The following RAP1GAP2 variants were observed in gnomAD, a reference collection of about 807,000 sequenced individuals.
RAP1GAP2 encodes RAP1 GTPase activating protein 2.
A neutral mutation model predicts 95.0 loss-of-function variants in RAP1GAP2; 27 were observed. The observed-to-expected ratio is 0.28, with a 90% CI of 0.21 to 0.39. RAP1GAP2 has a LOEUF of 0.39. RAP1GAP2 is among the 10% of genes least tolerant of loss of function. RAP1GAP2 has a pLI of 1.00. For synonymous variants in RAP1GAP2, 373 were observed against 380.9 expected (o/e 0.98, Z 0.24); for missense variants, 771 against 970.0 (o/e 0.79, Z 2.72).
intron 3 of RAP1GAP2, among the ~76,000 whole-genome samples, chr17:2,916,080 G>T (rs761990228): frequency 1.4e-4 from 21 of 152,144 alleles, no homozygotes; most frequent in Non-Finnish European, 2.5e-4. Context: ...TGGGGTCTAG[G>T]TTCATTTATT....
intron 1 of RAP1GAP2, among the ~76,000 whole-genome samples, chr17:2,790,168 A>C (rs2068888068): frequency 6.6e-6 from 1 of 151,360 alleles, no homozygotes; most frequent in South Asian, 2.1e-4. Context: ...GCTGGAGTGC[A>C]GCGGCATGAT....
At chr17:2,764,784 T>A (rs1421889293) in intron 1 of RAP1GAP2, among the ~76,000 whole-genome samples, 1 of 151,794 alleles carries the variant, frequency 6.6e-6, no homozygotes, top group Non-Finnish European at 1.5e-5. Context: ...AAAATAAAAA[T>A]ACAATATAGT....
intron 4 of RAP1GAP2, among the ~76,000 whole-genome samples, chr17:2,961,719 C>T (rs543357870): frequency 6.6e-6 from 1 of 152,204 alleles, no homozygotes; most frequent in African/African-American, 2.4e-5. Flanking sequence ...CAAGAAGCTA[C>T]GCTTTGTCAA....
intron 3 of RAP1GAP2, among the ~76,000 whole-genome samples, chr17:2,949,285 C>G (rs1487512622): frequency 6.6e-6 from 1 of 152,322 alleles, no homozygotes; most frequent in African/African-American, 2.4e-5. Context: ...ATGAGGAGAC[C>G]CAATTACATG....
intron 3 of RAP1GAP2, among the ~76,000 whole-genome samples, chr17:2,956,301 A>G (rs55640204): frequency 0.11 from 16,775 of 152,212 alleles, 988 homozygotes; most frequent in South Asian, 0.19. Flanking sequence ...CAGATCCTGA[A>G]CTGCTGGTAG....
At chr17:2,838,016 CTTTTTTTTTT>C (rs71153304) in intron 2 of RAP1GAP2, among the ~76,000 whole-genome samples, 22 of 94,442 alleles carry the variant, frequency 2.3e-4, no homozygotes, top group African/African-American at 9.7e-4. Flanking sequence ...TTCTTTTTTC[CTTTTTTTTTT>C]TTTTTTTTTT....
chr17:2,815,789 C>T (rs757800618), intron 2 of RAP1GAP2, among the ~76,000 whole-genome samples: 10 of 152,146 alleles, frequency 6.6e-5, no homozygotes, highest in East Asian at 1.9e-4. Context: ...GCCCCATTTC[C>T]GATATTAACA....
intron 1 of RAP1GAP2, among the ~76,000 whole-genome samples, chr17:2,761,844 T>A (rs2071255616): frequency 6.6e-6 from 1 of 152,058 alleles, no homozygotes; most frequent in Non-Finnish European, 1.5e-5. Flanking sequence ...CATCAACACT[T>A]GTTATTATCT....
At position 2,902,362 on chromosome 17, in the gene RAP1GAP2, A is replaced by G. The variant is rs1384059887; in HGVS notation, c.81-2922A>G. Among the ~76,000 whole-genome samples the G allele has an allele frequency of 6.6e-6, 1 of 152,112 alleles. No homozygotes were observed. The highest frequency in any genetic ancestry group is 2.4e-5 in the African/African-American group (1 of 41,424). ...CTCCCAAGTAGCTCGGATGACAGGCACACGCCACCATGCCTGGCTAATTTT... is the reference window on the plus strand; with the variant it reads ...CTCCCAAGTAGCTCGGATGACAGGCGCACGCCACCATGCCTGGCTAATTTT... On this transcript the variant is annotated intron_variant, in intron 2 of 24. Coordinates refer to ENST00000254695, the MANE Select transcript of RAP1GAP2 (RefSeq NM_015085.5). The surrounding 1 kb of genome is among the most constrained non-coding windows in gnomAD (Gnocchi z 4.1).
chr17:2,770,810 G>T (rs527916227), intron 2 of RAP1GAP2, among the ~76,000 whole-genome samples: 3 of 152,196 alleles, frequency 2.0e-5, no homozygotes, highest in African/African-American at 7.2e-5. Context: ...GGAGGCTGAG[G>T]TGGGTGGATC....
chr17:2,771,049 A>AAAAC (rs146760366), intron 2 of RAP1GAP2, among the ~76,000 whole-genome samples: 10,947 of 152,038 alleles, frequency 0.072, 519 homozygotes, highest in East Asian at 0.22. Context: ...TCTGTTTCAA[A>AAAAC]AAACAAACAA....
chr17:2,902,254 T>TCACC lies in RAP1GAP2; in HGVS notation c.81-3028_81-3025dup. Among the ~76,000 whole-genome samples the TCACC allele has an allele frequency of 6.6e-6, 1 of 152,064 alleles. No homozygotes were observed. Among genetic ancestry groups the TCACC allele is most frequent in the South Asian group, 2.1e-4 (1 of 4,816 alleles). Reference sequence around the variant, plus strand: ...TTTTTTGAGATGGAGTCTTGCTCTGTCACCCGAGCTGGAGTGCAGTGGCAC... The same window carrying TCACC: ...TTTTTTGAGATGGAGTCTTGCTCTGTCACCCACCCGAGCTGGAGTGCAGTGGCAC... On this transcript the variant is annotated intron_variant, in intron 2 of 24. Coordinates refer to ENST00000254695, the MANE Select transcript of RAP1GAP2 (RefSeq NM_015085.5). This position sits in a 1 kb window ranked among gnomAD's most constrained non-coding sequence, Gnocchi z 4.1.
At chr17:2,822,617 G>GTTTT (rs1212676493) in intron 2 of RAP1GAP2, among the ~76,000 whole-genome samples, 8 of 117,782 alleles carry the variant, frequency 6.8e-5, no homozygotes, top group Non-Finnish European at 1.2e-4. Flanking sequence ...ATAAAACCCT[G>GTTTT]TTTTTTTTTG....
intron 2 of RAP1GAP2, among the ~76,000 whole-genome samples, chr17:2,901,126 G>C (rs1014173618): frequency 6.6e-6 from 1 of 152,160 alleles, no homozygotes; most frequent in Non-Finnish European, 1.5e-5. Context: ...TTTGGCCAAC[G>C]CTGGCTAGGA....
At chr17:2,846,595 A>G (rs2071599441) in intron 2 of RAP1GAP2, among the ~76,000 whole-genome samples, 1 of 152,078 alleles carries the variant, frequency 6.6e-6, no homozygotes, top group African/African-American at 2.4e-5. Flanking sequence ...TATTTTGAAT[A>G]AAATGGTGAT....
intron 16 of RAP1GAP2, among the ~76,000 whole-genome samples, chr17:3,007,020 C>T (rs530735751): frequency 1.8e-4 from 28 of 152,246 alleles, no homozygotes; most frequent in African/African-American, 6.3e-4. Flanking sequence ...ATCTTGATAT[C>T]AGATGAACCT....
intron 1 of RAP1GAP2, among the ~76,000 whole-genome samples, chr17:2,781,415 G>A (rs111835050): frequency 6.6e-6 from 1 of 152,240 alleles, no homozygotes; most frequent in Non-Finnish European, 1.5e-5. Context: ...TCTGTGCTTG[G>A]TGTGCACGTG....
intron 8 of RAP1GAP2, among the ~76,000 whole-genome samples, chr17:2,972,574 G>A (rs1478856421): frequency 7.0e-6 from 1 of 142,140 alleles, no homozygotes; most frequent in East Asian, 2.2e-4. Context: ...CTACAGCCTG[G>A]GTGACAAGAG....
At chr17:2,820,131 A>AT (rs1200114598) in intron 2 of RAP1GAP2, among the ~76,000 whole-genome samples, 4 of 151,820 alleles carry the variant, frequency 2.6e-5, no homozygotes, top group South Asian at 2.1e-4. Flanking sequence ...AATAGATCAC[A>AT]TTTTTTTTGT....
Sources: allele counts gnomAD v4.1 joint callset (sites outside exome capture counted in the v4.1 genomes callset), GRCh38; gene constraint gnomAD v4.1.1; non-coding constraint Gnocchi (gnomAD v3.1); transcripts MANE v1.5; gene names NCBI Gene and HGNC (gene_info 2026-07-23, HGNC 2026-07-21).